The following CASK variants were observed in gnomAD, a reference collection of about 807,000 sequenced individuals.
The protein encoded by CASK is peripheral plasma membrane protein CASK.
CASK carries 4 observed loss-of-function variants against 82.9 expected under a neutral mutation model. The ratio of observed to expected loss-of-function variants is 0.05; its 90% CI spans 0.02 to 0.11. The LOEUF (loss-of-function observed/expected upper bound fraction) is 0.11, where lower values mean the gene tolerates loss of function less well. CASK is among the 10% of genes least tolerant of loss of function. The pLI is 1.00. For missense variants in CASK, 358 were observed against 720.9 expected (o/e 0.50, Z 5.76); for synonymous variants, 259 against 253.5 (o/e 1.02, Z -0.20).
intron 14 of CASK, chrX:41,585,975 C>A (rs1252834100): frequency 1.8e-5 from 2 of 110,083 alleles, no homozygotes; most frequent in Non-Finnish European, 3.8e-5. Flanking sequence ...CATAGTGAAA[C>A]CTCGTCTCTA....
intron 3 of CASK, among the ~76,000 whole-genome samples, chrX:41,766,411 T>C (rs2069117475): frequency 8.9e-6 from 1 of 112,352 alleles, no homozygotes; most frequent in Non-Finnish European, 1.9e-5. Context: ...TCTTTCTCAC[T>C]TAAAAAAACT....
At chrX:41,718,031 T>C (rs918930457) in intron 5 of CASK, among the ~76,000 whole-genome samples, 3 of 112,009 alleles carry the variant, frequency 2.7e-5, no homozygotes, top group East Asian at 2.8e-4. Flanking sequence ...CTCCCAACCC[T>C]CCAGAGAGGG....
At chrX:41,697,383 T>G (rs1246445164) in intron 5 of CASK, 1 of 119,924 alleles carries the variant, frequency 8.3e-6, no homozygotes, top group Non-Finnish European at 1.9e-5. Flanking sequence ...CAATAGGTCT[T>G]AAAACCACAC....
chrX:41,645,217 A>C (rs2066735718), intron 8 of CASK, among the ~76,000 whole-genome samples: 1 of 111,306 alleles, frequency 9.0e-6, no homozygotes, highest in Admixed American at 9.6e-5. Flanking sequence ...AACAACCAAA[A>C]CATGATTTAA....
chrX:41,881,972 T>G (rs1222623686), intron 1 of CASK, among the ~76,000 whole-genome samples: 1 of 111,272 alleles, frequency 9.0e-6, no homozygotes, highest in African/African-American at 3.3e-5. Context: ...GGTTTACATA[T>G]ATCCATAAAG....
chrX:41,751,762 T>G (rs2068793749), intron 3 of CASK, among the ~76,000 whole-genome samples: 1 of 111,148 alleles, frequency 9.0e-6, no homozygotes, highest in South Asian at 3.8e-4. Context: ...CAATGCTGGT[T>G]GGGCATGGTG....
intron 8 of CASK, among the ~76,000 whole-genome samples, chrX:41,651,547 C>T (rs753574009): frequency 6.3e-5 from 7 of 111,291 alleles, no homozygotes; most frequent in African/African-American, 2.0e-4. Context: ...CGCACCACCA[C>T]GCTTGGCTAA....
intron 21 of CASK, among the ~76,000 whole-genome samples, chrX:41,549,043 T>C (rs992480774): frequency 3.6e-5 from 4 of 111,591 alleles, no homozygotes; most frequent in South Asian, 3.8e-4. Flanking sequence ...CAGGATCTTG[T>C]AGGCAAGGCA....
chrX:41,762,908 A>G (rs1288952758), intron 3 of CASK, among the ~76,000 whole-genome samples: 1 of 110,815 alleles, frequency 9.0e-6, no homozygotes, highest in Non-Finnish European at 1.9e-5. Context: ...TGCCATCTAT[A>G]TTCTATTAAA....
rs1258334380 is a variant in CASK, at chrX:41,518,214, G to A, written c.*2206C>T. 8.0e-6 allele frequency: 1 copy of A among 124,294 alleles called. No homozygotes were observed. The highest frequency in any genetic ancestry group is 8.5e-5 in the Admixed American group (1 of 11,748). 10.2% of individuals were successfully genotyped at this position (124,294 alleles called of 1,213,427 possible). On this transcript the variant is annotated 3_prime_UTR_variant, in exon 27 of 27. Coordinates refer to ENST00000378163, the MANE Select transcript of CASK (RefSeq NM_001367721.1). ...GGGGCGTGGGGGTTTCCACTAGAGG[G>A]AGGGAAGTTTCTGTTTCCCATGTGT...
intron 1 of CASK, among the ~76,000 whole-genome samples, chrX:41,907,873 G>C (rs1269155013): frequency 9.0e-6 from 1 of 111,505 alleles, no homozygotes; most frequent in Non-Finnish European, 1.9e-5. Flanking sequence ...CAGATCATCA[G>C]GCATTAGATT....
chrX:41,897,225 T>C (rs915410148), intron 1 of CASK, among the ~76,000 whole-genome samples: 2 of 111,864 alleles, frequency 1.8e-5, no homozygotes, highest in Non-Finnish European at 3.8e-5. Flanking sequence ...TATTGAGTGT[T>C]GATGTTAGCT....
At chrX:41,878,697 GA>G (rs2071882288) in intron 1 of CASK, among the ~76,000 whole-genome samples, 1 of 110,719 alleles carries the variant, frequency 9.0e-6, no homozygotes, top group Non-Finnish European at 1.9e-5. Flanking sequence ...ACTGTAACAT[GA>G]AGTTCTTAGA....
chrX:41,523,239 T>A (rs913698483), intron 26 of CASK, among the ~76,000 whole-genome samples: 2 of 111,939 alleles, frequency 1.8e-5, no homozygotes, highest in African/African-American at 6.5e-5. Flanking sequence ...TGACGGAAAA[T>A]ATGAGTAACA....
intron 2 of CASK, among the ~76,000 whole-genome samples, chrX:41,827,063 T>C (rs752807919): frequency 4.5e-5 from 5 of 112,008 alleles, no homozygotes; most frequent in Non-Finnish European, 9.4e-5. Context: ...AAGAGAAAGA[T>C]CTAAAAGAGA....
At chrX:41,638,846 G>A (rs2066600855) in intron 8 of CASK, among the ~76,000 whole-genome samples, 1 of 110,789 alleles carries the variant, frequency 9.0e-6, no homozygotes, top group Admixed American at 9.7e-5. Context: ...GAGCTAGAGT[G>A]ACATGATCTG....
chrX:41,770,311 C>T (rs367954372), intron 3 of CASK, among the ~76,000 whole-genome samples: 1,579 of 90,527 alleles, frequency 0.017, 12 homozygotes, highest in African/African-American at 0.034. Flanking sequence ...TACCTACCTA[C>T]CTATCCATCC....
chrX:41,842,712 G>A (rs960513290), intron 2 of CASK, among the ~76,000 whole-genome samples: 1 of 111,463 alleles, frequency 9.0e-6, no homozygotes, highest in Admixed American at 9.5e-5. Flanking sequence ...TGCAAAAAGC[G>A]CCAGTAGGGA....
At chrX:41,612,670 C>T (rs1331576580) in intron 11 of CASK, among the ~76,000 whole-genome samples, 3 of 88,571 alleles carry the variant, frequency 3.4e-5, no homozygotes, top group African/African-American at 8.6e-5. Context: ...GTCAGACCCC[C>T]GCCCGGCCAG....
Sources: allele counts gnomAD v4.1 joint callset (sites outside exome capture counted in the v4.1 genomes callset), GRCh38; gene constraint gnomAD v4.1.1; transcripts MANE v1.5; gene names NCBI Gene and HGNC (gene_info 2026-07-23, HGNC 2026-07-21).